The following FRMPD4 variants were observed in gnomAD, a reference collection of about 807,000 sequenced individuals.
FRMPD4 encodes FERM and PDZ domain-containing protein 4.
In FRMPD4, 22 loss-of-function variants were observed where a neutral mutation model predicts 94.1. The ratio of observed to expected loss-of-function variants is 0.23; its 90% CI spans 0.17 to 0.33. The LOEUF (loss-of-function observed/expected upper bound fraction) is 0.33, where lower values mean the gene tolerates loss of function less well. Ranked by LOEUF, FRMPD4 falls within the 10% of genes least tolerant of loss-of-function variation. FRMPD4 has a pLI of 1.00. For missense variants in FRMPD4, 1,111 were observed against 1,339.9 expected, an observed-to-expected ratio of 0.83 and a Z score of 2.67; for synonymous variants, 631 against 548.6, an observed-to-expected ratio of 1.15 and a Z score of -2.10.
Position 12,466,904 on chromosome X carries a change from A to G in FRMPD4, c.42-31776A>G, listed in dbSNP as rs750796485. Among the ~76,000 whole-genome samples the G allele has an allele frequency of 3.6e-5, 4 of 112,032 alleles. No homozygotes were observed. The South Asian group carries it at 1.5e-3, about 42-fold the overall frequency. ...AAGGAACGTCGAAATTCTGGTTTTT[A>G]ACCAGTGTTGATATGTATGAACTAA... is the stretch of plus-strand genomic sequence containing the variant. On this transcript the variant is annotated intron_variant, in intron 1 of 16. Transcript: ENST00000675598.
At chrX:12,161,733 C>A (rs2056028892) in intron 1 of FRMPD4, among the ~76,000 whole-genome samples, 1 of 111,832 alleles carries the variant, frequency 8.9e-6, no homozygotes, top group East Asian at 2.8e-4. Context: ...TCACTGGGAT[C>A]TGCATTTTAA....
intron 1 of FRMPD4, among the ~76,000 whole-genome samples, chrX:12,428,924 A>G (rs1020276242): frequency 8.9e-6 from 1 of 111,933 alleles, no homozygotes; most frequent in Admixed American, 9.5e-5. Flanking sequence ...AACTAGTTGC[A>G]TGCTCCATGT....
chrX:12,053,326 A>AAAAG (rs201818603), intron 3 of FRMPD4, among the ~76,000 whole-genome samples: 70 of 101,089 alleles, frequency 6.9e-4, no homozygotes, highest in Middle Eastern at 4.7e-3. Context: ...GTGACAGAAA[A>AAAAG]AAAGAAAGAA....
At chrX:12,279,748 C>T (rs748630806) in intron 1 of FRMPD4, among the ~76,000 whole-genome samples, 1 of 110,934 alleles carries the variant, frequency 9.0e-6, no homozygotes, top group South Asian at 4.0e-4. Flanking sequence ...TTGTTCCAGT[C>T]TCAATGTCCT....
At chrX:12,712,879 C>T (rs191324021) in intron 14 of FRMPD4, among the ~76,000 whole-genome samples, 12 of 110,218 alleles carry the variant, frequency 1.1e-4, no homozygotes, top group African/African-American at 4.0e-4. Flanking sequence ...AGCTTGAGAC[C>T]AGCCTGAGCA....
At chrX:12,146,159 C>G (rs1394418223) in intron 1 of FRMPD4, among the ~76,000 whole-genome samples, 2 of 110,597 alleles carry the variant, frequency 1.8e-5, no homozygotes, top group Non-Finnish European at 3.8e-5. Context: ...GTCAGGAGAT[C>G]GAGACCATCC....
At chrX:12,250,051 T>C (rs1249931182) in intron 1 of FRMPD4, among the ~76,000 whole-genome samples, 1 of 34,008 alleles carries the variant, frequency 2.9e-5, no homozygotes, top group Non-Finnish European at 6.0e-5. Context: ...TCTCTCTCTG[T>C]GTGTGTGTGT....
chrX:12,214,783 T>G (rs1472588526), intron 1 of FRMPD4, among the ~76,000 whole-genome samples: 1 of 112,118 alleles, frequency 8.9e-6, no homozygotes, highest in African/African-American at 3.2e-5. Flanking sequence ...AAAGTCCTTA[T>G]AAAAACAATT....
At chrX:12,502,584 T>C (rs968921152) in intron 2 of FRMPD4, among the ~76,000 whole-genome samples, 19 of 111,955 alleles carry the variant, frequency 1.7e-4, no homozygotes, top group African/African-American at 6.2e-4. Context: ...CATCAATTAA[T>C]AATAACTTTA....
chrX:12,048,773 T>C (rs1364703996), intron 3 of FRMPD4, among the ~76,000 whole-genome samples: 1 of 111,925 alleles, frequency 8.9e-6, no homozygotes, highest in Non-Finnish European at 1.9e-5. Context: ...TTTTGTTGAC[T>C]TTGTTGAAGA....
At chrX:11,879,876 A>G (rs1239187600) in intron 3 of FRMPD4, among the ~76,000 whole-genome samples, 1 of 111,795 alleles carries the variant, frequency 8.9e-6, no homozygotes, top group Non-Finnish European at 1.9e-5. Context: ...TCGCTAGAAT[A>G]AGGTCTATAA....
At chrX:12,532,525 G>A (rs1331594586) in intron 2 of FRMPD4, among the ~76,000 whole-genome samples, 1 of 111,753 alleles carries the variant, frequency 8.9e-6, no homozygotes, top group Non-Finnish European at 1.9e-5. Flanking sequence ...TCTGTGACTT[G>A]GTTACCGAGA....
At chrX:12,053,356 A>G (rs867223164) in intron 3 of FRMPD4, among the ~76,000 whole-genome samples, 4 of 86,695 alleles carry the variant, frequency 4.6e-5, no homozygotes, top group African/African-American at 1.7e-4. Context: ...GAAAGGAAAG[A>G]AAGAAGAAAG....
intron 4 of FRMPD4, among the ~76,000 whole-genome samples, chrX:12,640,317 A>AAAAG (rs1555999402): frequency 2.9e-5 from 3 of 104,323 alleles, no homozygotes; most frequent in African/African-American, 1.1e-4. Flanking sequence ...AAAAAAAAAA[A>AAAAG]AAAAAGGTAG....
intron 3 of FRMPD4, among the ~76,000 whole-genome samples, chrX:12,071,664 G>T (rs534184017): frequency 1.8e-5 from 2 of 111,291 alleles, no homozygotes; most frequent in Admixed American, 1.9e-4. Context: ...CTCTGCTCCC[G>T]CTTGTCTCCT....
intron 1 of FRMPD4, among the ~76,000 whole-genome samples, chrX:12,248,323 G>T (rs190298688): frequency 8.9e-6 from 1 of 111,968 alleles, no homozygotes. Flanking sequence ...CTCTTTCTTT[G>T]GCCACTTCCT....
intron 3 of FRMPD4, among the ~76,000 whole-genome samples, chrX:12,047,129 A>G (rs1253057552): frequency 1.8e-5 from 2 of 109,559 alleles, no homozygotes; most frequent in African/African-American, 6.6e-5. Context: ...ATGGTTATAT[A>G]TGTGTTTTTA....
chrX:12,548,145 C>T, intron 2 of FRMPD4, among the ~76,000 whole-genome samples: 1 of 111,928 alleles, frequency 8.9e-6, no homozygotes, highest in African/African-American at 3.2e-5. Flanking sequence ...TGAAATTTTG[C>T]CCCATGGGCT....
chrX:11,913,740 G>T (rs1284879935), intron 3 of FRMPD4, among the ~76,000 whole-genome samples: 2 of 112,100 alleles, frequency 1.8e-5, no homozygotes, highest in African/African-American at 6.5e-5. Context: ...AATGTTTACA[G>T]ATAAAATCTG....
Sources: allele counts gnomAD v4.1 joint callset (sites outside exome capture counted in the v4.1 genomes callset), GRCh38; gene constraint gnomAD v4.1.1; transcripts MANE v1.5; gene names NCBI Gene and HGNC (gene_info 2026-07-23, HGNC 2026-07-21).